The following TTC28 variants were observed in gnomAD, a reference collection of about 807,000 sequenced individuals.
The protein encoded by TTC28 is tetratricopeptide repeat domain 28.
A neutral mutation model predicts 198.0 loss-of-function variants in TTC28; 61 were observed. The ratio of observed to expected loss-of-function variants is 0.31; its 90% CI spans 0.25 to 0.38. The LOEUF (loss-of-function observed/expected upper bound fraction) is 0.38. Among genes scored for constraint, TTC28 ranks in the 10% least tolerant of loss-of-function variants. The probability of loss-of-function intolerance (pLI) is 1.00; values close to 1 mark genes in which losing one functional copy is unlikely to be tolerated. For synonymous variants in TTC28, 1,171 were observed against 1,297.8 expected (o/e 0.90, Z 2.10); for missense variants, 2,678 against 3,164.0 (o/e 0.85, Z 3.69).
intron 2 of TTC28, among the ~76,000 whole-genome samples, chr22:28,619,800 G>A (rs868157989): frequency 2.6e-5 from 4 of 152,228 alleles, no homozygotes; most frequent in African/African-American, 4.8e-5. Context: ...TAAAATCAAA[G>A]CAAAGCAAAA....
intron 2 of TTC28, among the ~76,000 whole-genome samples, chr22:28,404,251 C>G (rs896348889): frequency 1.3e-5 from 2 of 152,074 alleles, no homozygotes; most frequent in African/African-American, 4.8e-5. Context: ...TCCCGAGTAG[C>G]TGGGACTACA....
At chr22:28,006,447 T>G (rs1569079844) in intron 14 of TTC28, 1 of 152,232 alleles carries the variant, frequency 6.6e-6, no homozygotes, top group Non-Finnish European at 1.5e-5. Context: ...ATACTATTCT[T>G]TTCTCCTGGC....
chr22:28,428,241 T>G (rs905826195), intron 2 of TTC28, among the ~76,000 whole-genome samples: 1 of 151,584 alleles, frequency 6.6e-6, no homozygotes, highest in Non-Finnish European at 1.5e-5. Context: ...TCAGAGAAAA[T>G]CAAGCTATGG....
chr22:28,454,034 T>A (rs762480073), intron 2 of TTC28, among the ~76,000 whole-genome samples: 2 of 152,262 alleles, frequency 1.3e-5, no homozygotes, highest in African/African-American at 4.8e-5. Flanking sequence ...ATTGCAGTTA[T>A]GTCTACCTGG....
At chr22:28,482,984 G>T in intron 2 of TTC28, among the ~76,000 whole-genome samples, 1 of 152,106 alleles carries the variant, frequency 6.6e-6, no homozygotes, top group East Asian at 1.9e-4. Flanking sequence ...ATGGATATTT[G>T]GGCTGTTTCT....
intron 12 of TTC28, among the ~76,000 whole-genome samples, chr22:28,071,748 G>GAAAAAAAAAAAAAAAAAAAAAAAAGA (rs371615737): frequency 4.4e-5 from 4 of 91,150 alleles, no homozygotes; most frequent in African/African-American, 7.8e-5. Context: ...AAAAAAAAAG[G>GAAAAAAAAAAAAAAAAAAAAAAAAGA]AAAAAAAAAA....
At chr22:28,050,072 G>A (rs1431805809) in intron 12 of TTC28, among the ~76,000 whole-genome samples, 2 of 152,114 alleles carry the variant, frequency 1.3e-5, no homozygotes, top group Non-Finnish European at 2.9e-5. Flanking sequence ...AGCTATAAGG[G>A]TACAGCTGGG....
intron 21 of TTC28, among the ~76,000 whole-genome samples, chr22:27,988,168 C>T (rs1362953354): frequency 6.6e-6 from 1 of 152,098 alleles, no homozygotes; most frequent in African/African-American, 2.4e-5. Context: ...ACTTTACCTT[C>T]ACAATACACG....
intron 2 of TTC28, among the ~76,000 whole-genome samples, chr22:28,527,459 C>A (rs2049026418): frequency 1.3e-5 from 2 of 152,262 alleles, no homozygotes; most frequent in East Asian, 1.9e-4. Context: ...CTAGTTACTG[C>A]AAACCAGTTC....
rs187214246 is a variant in TTC28, at chr22:28,637,304, G to A, written c.103-7474C>T. ...TGGGATTATAGGCGTGAGCCACCGC[G>A]CCCAGCCACGTTTAAGTATTTAATC... On this transcript the variant is annotated intron_variant, in intron 1 of 22. Coordinates refer to ENST00000397906, the MANE Select transcript of TTC28 (RefSeq NM_001145418.2). Among the ~76,000 whole-genome samples, 7 of 152,276 alleles carry A rather than the reference G, an allele frequency of 4.6e-5. No homozygotes were observed. The East Asian group carries it at 5.8e-4, about 13-fold the overall frequency.
intron 6 of TTC28, among the ~76,000 whole-genome samples, chr22:28,136,489 A>G (rs532607111): frequency 6.6e-6 from 1 of 152,310 alleles, no homozygotes; most frequent in African/African-American, 2.4e-5. Flanking sequence ...CCTCATGGAC[A>G]GGTAATATAT....
intron 2 of TTC28, among the ~76,000 whole-genome samples, chr22:28,323,833 T>TA (rs997960948): frequency 4.6e-5 from 7 of 151,858 alleles, no homozygotes; most frequent in African/African-American, 1.7e-4. Flanking sequence ...ATCAAACTAC[T>TA]AAAAATCAAG....
intron 13 of TTC28, among the ~76,000 whole-genome samples, chr22:28,015,352 T>C (rs534081631): frequency 2.0e-5 from 3 of 150,890 alleles, no homozygotes; most frequent in Admixed American, 6.6e-5. Context: ...CTGTGCCTGA[T>C]TACTGGACAG....
intron 2 of TTC28, among the ~76,000 whole-genome samples, chr22:28,366,845 T>G (rs1238489499): frequency 6.6e-6 from 1 of 151,764 alleles, no homozygotes; most frequent in East Asian, 1.9e-4. Context: ...ACAAAGAAGG[T>G]CATTATCTAA....
chr22:27,993,949 CCTT>C (rs1937504428), intron 17 of TTC28, among the ~76,000 whole-genome samples: 1 of 152,236 alleles, frequency 6.6e-6, no homozygotes, highest in Non-Finnish European at 1.5e-5. Flanking sequence ...CTGGCAATGC[CCTT>C]CTTCCCCATT....
intron 2 of TTC28, chr22:28,442,846 T>A (rs1413544539): frequency 6.6e-6 from 1 of 152,346 alleles, no homozygotes; most frequent in Non-Finnish European, 1.5e-5. Flanking sequence ...CTTCCCCGGG[T>A]TGGGCTTTGG....
intron 14 of TTC28, among the ~76,000 whole-genome samples, chr22:28,003,393 A>C (rs1408370034): frequency 2.0e-5 from 3 of 152,142 alleles, no homozygotes; most frequent in African/African-American, 7.2e-5. Flanking sequence ...GAGAATGGGT[A>C]GTGTGGGGCT....
intron 2 of TTC28, among the ~76,000 whole-genome samples, chr22:28,542,368 G>A (rs1429666771): frequency 2.0e-5 from 3 of 152,048 alleles, no homozygotes; most frequent in Non-Finnish European, 2.9e-5. Flanking sequence ...GGTGAGGAAG[G>A]AGGGAGGAAC....
intron 8 of TTC28, 118 bp from the exon 9 acceptor site, chr22:28,101,398 C>A: frequency 1.2e-6 from 1 of 838,400 alleles, no homozygotes; most frequent in South Asian, 1.7e-5. Flanking sequence ...CAGGGTCTCA[C>A]TCTGTTCCCC....
Sources: gnomAD v4.1 joint callset for allele counts (sites outside exome capture counted in the v4.1 genomes callset) on GRCh38, gnomAD v4.1.1 for gene constraint, MANE v1.5 for transcripts, NCBI Gene and HGNC (gene_info 2026-07-23, HGNC 2026-07-21) for gene names.